TFEC: variants seen among roughly 807,000 people sequenced by gnomAD.
TFEC encodes transcription factor EC, also known as class E basic helix-loop-helix protein 34.
TFEC carries 31 observed loss-of-function variants against 41.6 expected under a neutral mutation model. The observed-to-expected ratio is 0.74, with a 90% CI of 0.56 to 1.01. TFEC has a LOEUF of 1.01. Among genes scored for constraint, TFEC ranks in the 50% least tolerant of loss-of-function variants. The pLI, the probability that TFEC is intolerant of heterozygous loss-of-function variation, is 0.00. For missense variants in TFEC, 402 were observed against 404.1 expected, an observed-to-expected ratio of 0.99 and a Z score of 0.04; for synonymous variants, 143 against 140.6, an observed-to-expected ratio of 1.02 and a Z score of -0.12.
intron 1 of TFEC, among the ~76,000 whole-genome samples, chr7:115,993,852 C>T (rs1313140480): frequency 5.9e-5 from 9 of 152,176 alleles, no homozygotes; most frequent in Non-Finnish European, 2.9e-5. Flanking sequence ...TTGCAAAAAA[C>T]TACTTTAAAA....
At chr7:115,970,206 G>A (rs6945292) in intron 3 of TFEC, among the ~76,000 whole-genome samples, 2,663 of 152,010 alleles carry the variant, frequency 0.018, 59 homozygotes, top group African/African-American at 0.058. Flanking sequence ...AAAAATCAGA[G>A]AATCCACAGA....
At chr7:116,104,420 T>C (rs2116003146) in intron 3 of TFEC, among the ~76,000 whole-genome samples, 1 of 152,278 alleles carries the variant, frequency 6.6e-6, no homozygotes, top group South Asian at 2.1e-4. Context: ...TTCTTGATTA[T>C]GGTGTTGATC....
At chr7:116,006,295 A>G (rs1262605909) in intron 1 of TFEC, among the ~76,000 whole-genome samples, 1 of 152,216 alleles carries the variant, frequency 6.6e-6, no homozygotes, top group African/African-American at 2.4e-5. Context: ...ACTCAACACC[A>G]GCCCATGAAA....
chr7:116,110,711 G>C (rs1584529597), exon 3 of TFEC: 2 of 1,505,560 alleles, frequency 1.3e-6, no homozygotes, highest in East Asian at 5.2e-5. Flanking sequence ...TACATACCCT[G>C]GTAAAGGATG....
At chr7:116,044,796 T>C (rs1319230470) in intron 3 of TFEC, among the ~76,000 whole-genome samples, 3 of 152,250 alleles carry the variant, frequency 2.0e-5, no homozygotes, top group Admixed American at 6.5e-5. Context: ...ACTTGTAACC[T>C]GCCTCTTTAA....
In TFEC at chr7:115,941,831, A is replaced by C. The variant is rs529703571; in HGVS notation, c.663+62T>G. On this transcript the variant is annotated intron_variant, in intron 7 of 7. Coordinates refer to ENST00000265440, the MANE Select transcript of TFEC (RefSeq NM_012252.4). The stretch of plus-strand genomic sequence containing the variant: ...AAAAAATAAATGAGACCAATGAAGA[A>C]AACTGATGACAGCTGAGTCATGTGT... 4.7e-6 allele frequency: 7 copies of C among 1,489,594 alleles called. No homozygotes were observed. In the African/African-American group the frequency reaches 1.0e-4, roughly 21 times the overall value. The allele number at this position is 1,489,594 out of a possible 1,614,324, so 92.3% of individuals were successfully genotyped here.
intron 3 of TFEC, among the ~76,000 whole-genome samples, chr7:116,102,249 A>G (rs1241427661): frequency 6.6e-6 from 1 of 152,204 alleles, no homozygotes; most frequent in Non-Finnish European, 1.5e-5. Context: ...AAAATAGGTC[A>G]GTGGGAGGGT....
intron 3 of TFEC, among the ~76,000 whole-genome samples, chr7:115,958,442 C>T (rs1357896199): frequency 6.6e-6 from 1 of 151,628 alleles, no homozygotes; most frequent in African/African-American, 2.4e-5. Flanking sequence ...ATAATGGACA[C>T]GTTGAACAAA....
intron 5 of TFEC, among the ~76,000 whole-genome samples, chr7:115,951,725 G>A (rs1488811460): frequency 1.3e-5 from 2 of 151,958 alleles, no homozygotes; most frequent in Admixed American, 1.3e-4. Flanking sequence ...TTTTTGTGGG[G>A]CCAATGCTTT....
intron 3 of TFEC, among the ~76,000 whole-genome samples, chr7:116,080,488 A>AAAC (rs1364460135): frequency 6.6e-6 from 1 of 151,894 alleles, no homozygotes; most frequent in African/African-American, 2.4e-5. Context: ...AAAAAACAAA[A>AAAC]AACAACAACA....
At chr7:115,964,427 G>A (rs1008051411) in intron 3 of TFEC, among the ~76,000 whole-genome samples, 1 of 151,412 alleles carries the variant, frequency 6.6e-6, no homozygotes, top group Admixed American at 6.6e-5. Context: ...GACATTAGAG[G>A]AGGAAAAACT....
At chr7:116,016,925 T>A (rs190919457) in intron 1 of TFEC, among the ~76,000 whole-genome samples, 19 of 152,198 alleles carry the variant, frequency 1.2e-4, no homozygotes, top group African/African-American at 4.3e-4. Flanking sequence ...TACTCCTTAG[T>A]CTTGTCCAAT....
chr7:115,970,051 T>C (rs1793062933), intron 3 of TFEC, among the ~76,000 whole-genome samples: 1 of 151,870 alleles, frequency 6.6e-6, no homozygotes, highest in Non-Finnish European at 1.5e-5. Context: ...GTCTGGCATA[T>C]AGGGGATTGA....
At chr7:116,063,328 CTG>C (rs1194157688) in intron 3 of TFEC, among the ~76,000 whole-genome samples, 1 of 152,082 alleles carries the variant, frequency 6.6e-6, no homozygotes, top group Non-Finnish European at 1.5e-5. Context: ...GCAGGAAACT[CTG>C]GGGTGGCTGG....
At chr7:116,103,289 T>C (rs1797644255) in intron 3 of TFEC, among the ~76,000 whole-genome samples, 1 of 152,020 alleles carries the variant, frequency 6.6e-6, no homozygotes, top group Non-Finnish European at 1.5e-5. Flanking sequence ...CACCAGAAAG[T>C]GGAAAGTTCG....
chr7:116,140,239 A>T (rs1368411280), intron 1 of TFEC, among the ~76,000 whole-genome samples: 1 of 152,228 alleles, frequency 6.6e-6, no homozygotes, highest in Non-Finnish European at 1.5e-5. Context: ...GCATGACATG[A>T]TGGAAAATCA....
chr7:116,038,799 A>G (rs1284584669), intron 3 of TFEC, among the ~76,000 whole-genome samples: 1 of 152,080 alleles, frequency 6.6e-6, no homozygotes, highest in African/African-American at 2.4e-5. Context: ...CTGGTGTAAC[A>G]AACAACTCCA....
chr7:116,074,138 A>T (rs868174749), intron 3 of TFEC, among the ~76,000 whole-genome samples: 1 of 151,300 alleles, frequency 6.6e-6, no homozygotes, highest in Non-Finnish European at 1.5e-5. Context: ...ATATATGCTT[A>T]TATATATTTA....
At chr7:115,996,488 G>C (rs1048243892) in intron 1 of TFEC, among the ~76,000 whole-genome samples, 12 of 152,002 alleles carry the variant, frequency 7.9e-5, no homozygotes, top group African/African-American at 2.9e-4. Flanking sequence ...GCTTAGATGT[G>C]ATCCAACGTA....
Sources: allele counts gnomAD v4.1 joint callset (sites outside exome capture counted in the v4.1 genomes callset), GRCh38; gene constraint gnomAD v4.1.1; transcripts MANE v1.5; gene names NCBI Gene and HGNC (gene_info 2026-07-23, HGNC 2026-07-21).